Variants in FLII observed in about 807,000 individuals in gnomAD.
FLII encodes protein flightless-1 homolog.
A neutral mutation model predicts 156.2 loss-of-function variants in FLII; 101 were observed. The observed-to-expected ratio is 0.65, with a 90% CI of 0.55 to 0.76. The LOEUF (loss-of-function observed/expected upper bound fraction) is 0.76. Among genes scored for constraint, FLII ranks in the 30% least tolerant of loss-of-function variants. The pLI, the probability that FLII is intolerant of heterozygous loss-of-function variation, is 0.00. For missense variants in FLII, 1,675 were observed against 1,682.8 expected, an observed-to-expected ratio of 1.00 and a Z score of 0.08; for synonymous variants, 767 against 685.8, an observed-to-expected ratio of 1.12 and a Z score of -1.85.
chr17:18,252,119 G>C lies in FLII; in HGVS notation c.1126C>G (p.Leu376Val). The change falls in exon 11 of 30, where the codon CTG (leucine) becomes GTG (valine). Residue 376 changes from leucine to valine, a missense_variant. Leu to Val is a conservative substitution (Grantham distance 32). Transcript: ENST00000327031. Reference protein sequence around the residue: ...EVLDVRENPNLVMPPKPADRA... With the variant: ...EVLDVRENPNVVMPPKPADRA... ...TCTGCGGGCTTGGGCGGCATGACCA[G>C]GTTGGGGTTCTCCCGCACATCCAGG... The C allele has an allele frequency of 1.2e-6, 2 of 1,613,398 alleles. No individual in the cohort carries two copies. Among genetic ancestry groups the C allele is most frequent in the South Asian group, 1.1e-5 (1 of 91,090 alleles).
rs942914583 is a variant in FLII, at chr17:18,248,093, A to T, written c.2191-60T>A. The stretch of plus-strand genomic sequence containing the variant: ...CTGGAGACAGGAACCTCACCCACAC[A>T]GCCCTCTGCTCTGGAACCAGCCCTG... On this transcript the variant is annotated intron_variant, in intron 18 of 29. Coordinates refer to ENST00000327031, the MANE Select transcript of FLII (RefSeq NM_002018.4). 4.1e-6 allele frequency: 5 copies of T among 1,205,062 alleles called. No homozygotes were observed. In the African/African-American group the frequency reaches 7.5e-5, roughly 18 times the overall value. The allele number at this position is 1,205,062 out of a possible 1,614,324, so 74.6% of individuals were successfully genotyped here.
rs1486920418 is a variant in FLII, at chr17:18,246,631, T to A, written c.3014A>T (p.Gln1005Leu). The change falls in exon 23 of 30, where the codon CAA (glutamine) becomes CTA (leucine). Residue 1005 changes from glutamine to leucine, a missense_variant. By Grantham distance (113) the Gln-to-Leu change is moderately radical. Transcript: ENST00000327031. ...MGWLTFTFSL[Q>L]KKFESLFPGK... is the part of the protein sequence containing the mutation. ...AGGGAAGAGGCTCTCGAACTTCTTT[T>A]GCAGGCTGAAGGTGAAGGTGAGCCA... 1 of 1,614,046 alleles carries A rather than the reference T, an allele frequency of 6.2e-7. No homozygotes were observed. Among genetic ancestry groups the A allele is most frequent in the South Asian group, 1.1e-5 (1 of 91,048 alleles).
At chr17:18,250,095 T>C (rs991964901) in intron 14 of FLII, among the ~76,000 whole-genome samples, 2 of 152,224 alleles carry the variant, frequency 1.3e-5, no homozygotes, top group Non-Finnish European at 2.9e-5. Flanking sequence ...CACTCCAGCC[T>C]GGGCAACAAA....
In FLII at chr17:18,252,144, G is replaced by C. The variant is rs1230819826; in HGVS notation, c.1101C>G (p.Val367=). 2.5e-6 allele frequency: 4 copies of C among 1,612,992 alleles called. No individual in the cohort carries two copies. Among genetic ancestry groups the C allele is most frequent in the Non-Finnish European group, 3.4e-6 (4 of 1,179,930 alleles). Reference sequence around the variant, plus strand: ...GGTTGGGGTTCTCCCGCACATCCAGGACCTGCCCCATAGGGTGAGCAGAGC... The same window carrying C: ...GGTTGGGGTTCTCCCGCACATCCAGCACCTGCCCCATAGGGTGAGCAGAGC... The part of the protein sequence containing the change: ...EAIHFLTEIE[V]LDVRENPNLV... The change falls in exon 11 of 30, where the codon GTC becomes GTG. Residue 367 remains valine, a splice_region_variant and synonymous_variant. Coordinates refer to ENST00000327031, the MANE Select transcript of FLII (RefSeq NM_002018.4).
chr17:18,258,225 G>C lies in FLII; in HGVS notation c.63+403C>G, dbSNP rs1395819250. ...GGCGGGGAGAGGGCAGTGATGAGTC[G>C]GCTCCACACCCGCCCCTGGGCAGCC... On this transcript the variant is annotated intron_variant, in intron 1 of 29. Transcript: ENST00000327031. The surrounding 1 kb of genome is among the most constrained non-coding windows in gnomAD (Gnocchi z 4.2). Among the ~76,000 whole-genome samples, 2 of 152,204 alleles carry C rather than the reference G, an allele frequency of 1.3e-5. No individual in the cohort carries two copies. The highest frequency in any genetic ancestry group is 2.9e-5 in the Non-Finnish European group (2 of 68,020).
At chr17:18,254,362 G>A (rs2048354783) in intron 6 of FLII, among the ~76,000 whole-genome samples, 159 bp downstream of exon 6, 1 of 152,138 alleles carries the variant, frequency 6.6e-6, no homozygotes, top group African/African-American at 2.4e-5. Context: ...GGACTGAGAG[G>A]TGGACATGAT....
chr17:18,251,747 T>A lies in FLII; in HGVS notation c.1316A>T (p.Asp439Val). 1 of 1,614,012 alleles carries A rather than the reference T, an allele frequency of 6.2e-7. No individual in the cohort carries two copies. The highest frequency in any genetic ancestry group is 1.1e-5 in the South Asian group (1 of 91,092). ...RLRRRKDSAQ[D>V]DQAKQVLKGM... is the part of the protein sequence containing the mutation. ...CTTCAGCACCTGCTTGGCCTGGTCA[T>A]CCTGGGCTGAATCCTTGCGCCTCCG... The change falls in exon 12 of 30, where the codon GAT becomes GTT. Residue 439 changes from aspartate to valine, a missense_variant. Transcript: ENST00000327031.
Position 18,250,317 on chromosome 17 carries a change from C to T in FLII, c.1776+521G>A, listed in dbSNP as rs115643474. On this transcript the variant is annotated intron_variant, in intron 14 of 29. Transcript: ENST00000327031. ...GAATGTGGGTAAAAAAAACTCGGGG[C>T]GGGTGGGGTGTGTGCATAAACTCCA... is the stretch of plus-strand genomic sequence containing the variant. Among the ~76,000 whole-genome samples the T allele has an allele frequency of 3.9e-5, 6 of 152,106 alleles. No individual in the cohort carries two copies. In the South Asian group the frequency reaches 6.2e-4, roughly 16 times the overall value.
In FLII at chr17:18,251,698, C is replaced by T. The variant is rs2048273718; in HGVS notation, c.1365G>A (p.Glu455=). 1 of 1,613,920 alleles carries T rather than the reference C, an allele frequency of 6.2e-7. No homozygotes were observed. The highest frequency in any genetic ancestry group is 1.7e-5 in the Admixed American group (1 of 60,012). Residue 455 remains glutamate (E), a synonymous_variant, in exon 12 of 30, where the codon GAG becomes GAA. Transcript: ENST00000327031. ...VLKGMSDVAQ[E]KNKKQEESAD... ...GGCTCACCTCCTGCTTTTTGTTCTT[C>T]TCCTGGGCAACATCTGACATGCCCT...
At position 18,247,860 on chromosome 17, in the gene FLII, G is replaced by C; in HGVS notation, c.2296-12C>G. 6.2e-7 allele frequency: 1 copy of C among 1,614,000 alleles called. No individual in the cohort carries two copies. The highest frequency in any genetic ancestry group is 8.5e-7 in the Non-Finnish European group (1 of 1,179,982). ...AGCAGACTCTGCAGCTGCGGACCGGGAGTCTGGAGGTCAAAGCCCAGCCAA... is the reference window on the plus strand; with the variant it reads ...AGCAGACTCTGCAGCTGCGGACCGGCAGTCTGGAGGTCAAAGCCCAGCCAA... On this transcript the variant is annotated splice_polypyrimidine_tract_variant and intron_variant, in intron 19 of 29. Transcript: ENST00000327031.
In FLII at chr17:18,248,479, G is replaced by C. The variant is rs141787821; in HGVS notation, c.2190+71C>G. ...ATGGAGCCCAAAGCCAACTACATCGGTGTGTAGTCCATTCCCCCAGTCGGT... is the reference window on the plus strand; with the variant it reads ...ATGGAGCCCAAAGCCAACTACATCGCTGTGTAGTCCATTCCCCCAGTCGGT... On this transcript the variant is annotated intron_variant, in intron 18 of 29. Transcript: ENST00000327031. The C allele has an allele frequency of 2.8e-4, 394 of 1,415,148 alleles. 1 individual carries two copies. The highest frequency in any genetic ancestry group is 3.5e-4 in the Non-Finnish European group (361 of 1,041,968). 87.7% of individuals were successfully genotyped at this position (1,415,148 alleles called of 1,614,324 possible). A position where few individuals can be genotyped will look rare whatever the true frequency, so the allele number is the denominator to read the frequency against.
At chr17:18,257,067 T>C in intron 1 of FLII, 48 bp from the exon 2 acceptor site, 2 of 1,281,044 alleles carry the variant, frequency 1.6e-6, no homozygotes, top group Non-Finnish European at 2.2e-6. Flanking sequence ...GCTCACCACC[T>C]TCTATGGCTC....
chr17:18,258,341 T>C lies in FLII; in HGVS notation c.63+287A>G. The C allele has an allele frequency of 1.4e-6, 1 of 730,448 alleles. No individual in the cohort carries two copies. The highest frequency in any genetic ancestry group is 2.2e-6 in the Non-Finnish European group (1 of 461,652). 45.2% of individuals were successfully genotyped at this position (730,448 alleles called of 1,614,324 possible). ...CCGATCCCCAGGCCACCATCCAGCC[T>C]AGACCGAGAACACGGACGCGGGGTG... On this transcript the variant is annotated intron_variant, in intron 1 of 29. Transcript: ENST00000327031. The surrounding 1 kb of genome is among the most constrained non-coding windows in gnomAD (Gnocchi z 4.2).
At chr17:18,246,287 C>T in intron 24 of FLII, 21 bp downstream of exon 24, 6 of 1,613,972 alleles carry the variant, frequency 3.7e-6, no homozygotes, top group Middle Eastern at 1.6e-4. Context: ...CTCGCCACTG[C>T]GTCCTCCCCC....
In FLII at chr17:18,258,694, G is replaced by A. The variant is rs781721057; in HGVS notation, c.-4C>T. 484 of 1,486,036 alleles carry A rather than the reference G, an allele frequency of 3.3e-4. 2 individuals carry two copies. The highest frequency in any genetic ancestry group is 2.8e-4 in the Non-Finnish European group (316 of 1,125,166). The allele number at this position is 1,486,036 out of a possible 1,614,324, so 92.1% of individuals were successfully genotyped here. ...GCAGCACCCCGGTGGCCTCCATGGC[G>A]CCGCTCTCGCTGCCGGGCCGCGCCG... On this transcript the variant is annotated 5_prime_UTR_variant, in exon 1 of 30. Coordinates refer to ENST00000327031, the MANE Select transcript of FLII (RefSeq NM_002018.4). The surrounding 1 kb of genome is among the most constrained non-coding windows in gnomAD (Gnocchi z 4.2).
chr17:18,258,485 AG>A lies in FLII; in HGVS notation c.63+142del. ...AGGCCTCGGAGGTCCATTCCTGGCC[AG>A]GGGAGAGCCCCACCCCGCCCCGGCC... On this transcript the variant is annotated intron_variant, in intron 1 of 29. Transcript: ENST00000327031. The surrounding 1 kb of genome is among the most constrained non-coding windows in gnomAD (Gnocchi z 4.2). The A allele has an allele frequency of 1.3e-6, 2 of 1,506,642 alleles. No homozygotes were observed. The highest frequency in any genetic ancestry group is 1.8e-6 in the Non-Finnish European group (2 of 1,134,172). 93.3% of individuals were successfully genotyped at this position (1,506,642 alleles called of 1,614,324 possible). A position where few individuals can be genotyped will look rare whatever the true frequency, so the allele number is the denominator to read the frequency against.
chr17:18,252,171 G>A (rs374920036), intron 10 of FLII, 25 bp from the exon 11 acceptor site: 11 of 1,600,502 alleles, frequency 6.9e-6, no homozygotes, highest in South Asian at 2.2e-5. Flanking sequence ...GAGCAGAGCC[G>A]GCACTGAGCC....
chr17:18,248,604 C>A lies in FLII; in HGVS notation c.2136G>T (p.Glu712Asp), dbSNP rs1224694868. 5.0e-6 allele frequency: 8 copies of A among 1,613,614 alleles called. No individual in the cohort carries two copies. The highest frequency in any genetic ancestry group is 6.8e-6 in the Non-Finnish European group (8 of 1,179,950). The stretch of plus-strand genomic sequence containing the variant: ...AGTCTTCAGGCACGTGCTTCTTGAT[C>A]TCAGAGGGCTCCCCACCCAGTGCCT... ...FWEALGGEPS[E>D]IKKHVPEDFW... Residue 712 changes from glutamate to aspartate, a missense_variant, in exon 18 of 30, where the codon GAG becomes GAT. Transcript: ENST00000327031.
chr17:18,253,883 G>T, intron 7 of FLII, 164 bp from the exon 8 acceptor site: 1 of 801,886 alleles, frequency 1.2e-6, no homozygotes, highest in Non-Finnish European at 1.9e-6. Flanking sequence ...TCCCTCACAT[G>T]GGGGTTGCGG....
Sources: allele counts gnomAD v4.1 joint callset (sites outside exome capture counted in the v4.1 genomes callset), GRCh38; gene constraint gnomAD v4.1.1; non-coding constraint Gnocchi (gnomAD v3.1); transcripts MANE v1.5; gene names NCBI Gene and HGNC (gene_info 2026-07-23, HGNC 2026-07-21).